Variants in DAPK1 observed in about 807,000 individuals in gnomAD.
The protein encoded by DAPK1 is death-associated protein kinase 1.
A neutral mutation model predicts 144.9 loss-of-function variants in DAPK1; 56 were observed. The ratio of observed to expected loss-of-function variants is 0.39; its 90% CI spans 0.31 to 0.48. The LOEUF is 0.48. Ranked by LOEUF, DAPK1 falls within the 20% of genes least tolerant of loss-of-function variation. The pLI is 0.95. For missense variants in DAPK1, 1,454 were observed against 1,875.4 expected, an observed-to-expected ratio of 0.78 and a Z score of 4.15; for synonymous variants, 690 against 749.0, an observed-to-expected ratio of 0.92 and a Z score of 1.29.
rs1825707351 is a variant in DAPK1, at chr9:87,708,257, A to G, written c.*893A>G. On this transcript the variant is annotated 3_prime_UTR_variant, in exon 26 of 26. Transcript: ENST00000408954. ...CACAGTTGTAGGGTTACAGAGACCT[A>G]TGTAAGAATTCAGAAGACCCCTGAC... 6.1e-6 allele frequency: 1 copy of G among 163,816 alleles called. No homozygotes were observed. The highest frequency in any genetic ancestry group is 1.7e-4 in the South Asian group (1 of 5,784). 10.1% of individuals were successfully genotyped at this position (163,816 alleles called of 1,614,324 possible). A position where few individuals can be genotyped will look rare whatever the true frequency, so the allele number is the denominator to read the frequency against.
At chr9:87,671,580 A>G (rs2119290614) in intron 19 of DAPK1, among the ~76,000 whole-genome samples, 1 of 151,706 alleles carries the variant, frequency 6.6e-6, no homozygotes, top group Non-Finnish European at 1.5e-5. Context: ...GGCTCACTGC[A>G]GCGTCAAACT....
intron 17 of DAPK1, among the ~76,000 whole-genome samples, chr9:87,655,435 C>T (rs866477853): frequency 6.6e-6 from 1 of 152,114 alleles, no homozygotes; most frequent in African/African-American, 2.4e-5. Context: ...GAAGGCATCG[C>T]TTCCTACCAA....
intron 2 of DAPK1, among the ~76,000 whole-genome samples, chr9:87,569,455 C>G (rs146125739): frequency 1.8e-4 from 27 of 152,270 alleles, no homozygotes; most frequent in African/African-American, 5.1e-4. Context: ...TATAGAAATA[C>G]GCAGATAGGT....
At chr9:87,585,628 A>C (rs1467712444) in intron 2 of DAPK1, among the ~76,000 whole-genome samples, 2 of 152,220 alleles carry the variant, frequency 1.3e-5, no homozygotes. Context: ...GTGCTGACTT[A>C]GCTATGGTTC....
chr9:87,520,183 A>G (rs1825243509), intron 2 of DAPK1, among the ~76,000 whole-genome samples: 1 of 152,212 alleles, frequency 6.6e-6, no homozygotes, highest in South Asian at 2.1e-4. Flanking sequence ...TTAGTTCTAT[A>G]GGAAGAGCTT....
chr9:87,645,631 A>G (rs1830239458), intron 11 of DAPK1, among the ~76,000 whole-genome samples: 1 of 152,208 alleles, frequency 6.6e-6, no homozygotes, highest in Non-Finnish European at 1.5e-5. Context: ...ATTATTTGAA[A>G]TCTGGATCTT....
At chr9:87,626,436 AC>A (rs1317074649) in intron 3 of DAPK1, among the ~76,000 whole-genome samples, 57 of 113,556 alleles carry the variant, frequency 5.0e-4, no homozygotes, top group African/African-American at 1.7e-3. Context: ...AAACAAACAA[AC>A]AAAAAACAAC....
rs73654408 is a variant in DAPK1 at position 87,562,554 on chromosome 9, T to G, written c.63-42400T>G. On this transcript the variant is annotated intron_variant, in intron 2 of 25. Transcript: ENST00000408954. ...AAGGAGAGGACCCTGAAATATTTGA[T>G]GACTGTCACTGCCACAGTAGTTATT... is the stretch of plus-strand genomic sequence containing the variant. 5.9e-3 allele frequency among the ~76,000 whole-genome samples: 901 copies of G among 152,354 alleles called. 10 individuals carry two copies. Among genetic ancestry groups the G allele is most frequent in the African/African-American group, 0.021 (870 of 41,582 alleles).
chr9:87,589,693 T>C (rs1025990307), intron 2 of DAPK1, among the ~76,000 whole-genome samples: 7 of 152,234 alleles, frequency 4.6e-5, no homozygotes, highest in Non-Finnish European at 8.8e-5. Flanking sequence ...TGGGAGAATT[T>C]AGATTCCAAG....
At chr9:87,622,436 C>A (rs1202881089) in intron 3 of DAPK1, among the ~76,000 whole-genome samples, 1 of 152,032 alleles carries the variant, frequency 6.6e-6, no homozygotes, top group Non-Finnish European at 1.5e-5. Flanking sequence ...TCTTACAAAC[C>A]AAGTCTCTGA....
intron 18 of DAPK1, among the ~76,000 whole-genome samples, chr9:87,659,305 G>A (rs1830746491): frequency 6.6e-6 from 1 of 152,042 alleles, no homozygotes; most frequent in East Asian, 1.9e-4. Flanking sequence ...CCTTTCTAGG[G>A]CACCTGGTCA....
At position 87,573,621 on chromosome 9, in the gene DAPK1, T is replaced by TCAC. The variant is rs1451127264; in HGVS notation, c.63-31332_63-31331insACC. Among the ~76,000 whole-genome samples the TCAC allele has an allele frequency of 1.4e-4, 22 of 152,278 alleles. No individual in the cohort carries two copies. In the East Asian group the frequency reaches 4.3e-3, roughly 29 times the overall value. ...CTTCCTGACCACCAAGGATCAGACT[T>TCAC]CTGGAAGAAGAAAGTGGCTTCAACT... On this transcript the variant is annotated intron_variant, in intron 2 of 25. Coordinates refer to ENST00000408954, the MANE Select transcript of DAPK1 (RefSeq NM_004938.4).
chr9:87,702,469 C>T (rs533938950), intron 24 of DAPK1, among the ~76,000 whole-genome samples: 2 of 152,228 alleles, frequency 1.3e-5, no homozygotes, highest in East Asian at 3.9e-4. Context: ...ATTCTCTTTT[C>T]CTCTGTTCAT....
intron 17 of DAPK1, among the ~76,000 whole-genome samples, chr9:87,656,925 A>T (rs1050558542): frequency 5.3e-5 from 8 of 152,196 alleles, no homozygotes; most frequent in African/African-American, 1.9e-4. Context: ...GGAGCTTGAG[A>T]GTAAGGGGGG....
At chr9:87,650,933 T>A (rs1303975317) in intron 16 of DAPK1, among the ~76,000 whole-genome samples, 2 of 152,004 alleles carry the variant, frequency 1.3e-5, no homozygotes, top group Non-Finnish European at 2.9e-5. Flanking sequence ...GCACAGTAGG[T>A]TTTAGAAATG....
rs770194101 is a variant in DAPK1, at chr9:87,706,951, G to A, written c.3880G>A (p.Ala1294Thr). 2 of 1,613,138 alleles carry A rather than the reference G, an allele frequency of 1.2e-6. No individual in the cohort carries two copies. Among genetic ancestry groups the A allele is most frequent in the African/African-American group, 2.7e-5 (2 of 74,916 alleles). The change falls in exon 26 of 26, where the codon GCC becomes ACC. Residue 1294 changes from alanine to threonine, a missense_variant. This residue lies in a region of DAPK1 where 1,025 missense variants were observed against 1,237.9 expected (regional missense o/e 0.83). Coordinates refer to ENST00000408954, the MANE Select transcript of DAPK1 (RefSeq NM_004938.4). This position sits in a 1 kb window ranked among gnomAD's most constrained non-coding sequence, Gnocchi z 9.0. ...CFGCHDVYSQ[A>T]SLGMDIHASD... ...CGGGTGTCACGACGTCTACTCACAG[G>A]CCAGCCTCGGCATGGACATCCATGC...
chr9:87,547,816 C>G (rs1190471250), intron 2 of DAPK1, among the ~76,000 whole-genome samples: 5 of 152,062 alleles, frequency 3.3e-5, no homozygotes, highest in Non-Finnish European at 7.4e-5. Context: ...TCCCACCCAC[C>G]CCTATTAGGG....
intron 20 of DAPK1, among the ~76,000 whole-genome samples, chr9:87,685,876 T>A (rs1478126676): frequency 6.6e-6 from 1 of 152,152 alleles, no homozygotes; most frequent in Non-Finnish European, 1.5e-5. Flanking sequence ...CCAATGTGAA[T>A]AAAATCCCGC....
chr9:87,664,313 C>T (rs533783580), intron 18 of DAPK1, among the ~76,000 whole-genome samples: 1 of 152,294 alleles, frequency 6.6e-6, no homozygotes, highest in South Asian at 2.1e-4. Context: ...TCCCCCTTCA[C>T]CCCCTGCGCA....
Sources: allele counts gnomAD v4.1 joint callset (sites outside exome capture counted in the v4.1 genomes callset), GRCh38; gene constraint gnomAD v4.1.1; regional missense constraint gnomAD v4.1.1; non-coding constraint Gnocchi (gnomAD v3.1); transcripts MANE v1.5; gene names NCBI Gene and HGNC (gene_info 2026-07-23, HGNC 2026-07-21).